Variants in MGAT5 observed in about 807,000 individuals in gnomAD.
MGAT5 encodes the protein alpha-1,6-mannosylglycoprotein 6-beta-N-acetylglucosaminyltransferase A.
Under a neutral mutation model 94.3 loss-of-function variants are expected in MGAT5, and 30 were observed. The observed-to-expected ratio is 0.32, with a 90% CI of 0.24 to 0.43. MGAT5 has a LOEUF of 0.43. MGAT5 is among the 20% of genes least tolerant of loss of function. The pLI is 1.00. For synonymous variants in MGAT5, 310 were observed against 322.9 expected, an observed-to-expected ratio of 0.96 and a Z score of 0.43; for missense variants, 691 against 905.5, an observed-to-expected ratio of 0.76 and a Z score of 3.04.
intron 10 of MGAT5, among the ~76,000 whole-genome samples, chr2:134,364,237 T>C (rs1233493221): frequency 6.6e-6 from 1 of 152,210 alleles, no homozygotes; most frequent in Non-Finnish European, 1.5e-5. Context: ...CAGTGGTGCA[T>C]GCCTGTAATC....
chr2:134,195,607 C>T (rs547000809), intron 1 of MGAT5, among the ~76,000 whole-genome samples: 1 of 152,272 alleles, frequency 6.6e-6, no homozygotes, highest in South Asian at 2.1e-4. Context: ...CACTAGGCTA[C>T]TTGTGGATGA....
At chr2:134,431,612 T>G (rs1185470173) in intron 14 of MGAT5, among the ~76,000 whole-genome samples, 1 of 152,214 alleles carries the variant, frequency 6.6e-6, no homozygotes, top group African/African-American at 2.4e-5. Flanking sequence ...CAAGAAAGCC[T>G]GCAGCTCCGA....
intron 2 of MGAT5, among the ~76,000 whole-genome samples, chr2:134,287,430 T>C (rs1685080356): frequency 1.3e-5 from 2 of 152,154 alleles, no homozygotes; most frequent in Admixed American, 6.5e-5. Context: ...TGAGTTCACT[T>C]TTCTTTCTTT....
chr2:134,157,417 C>A (rs1448034173), intron 1 of MGAT5, among the ~76,000 whole-genome samples: 1 of 152,076 alleles, frequency 6.6e-6, no homozygotes, highest in African/African-American at 2.4e-5. Flanking sequence ...GTTTAGTAAG[C>A]CCTTAGTAAA....
intron 11 of MGAT5, among the ~76,000 whole-genome samples, chr2:134,403,819 G>A (rs1193237000): frequency 1.3e-5 from 2 of 152,064 alleles, no homozygotes; most frequent in African/African-American, 4.8e-5. Flanking sequence ...GGAATGTGAG[G>A]GTCTGATTGG....
intron 2 of MGAT5, among the ~76,000 whole-genome samples, chr2:134,313,040 ACACACACACACACAC>A (rs1686778944): frequency 6.2e-4 from 1 of 1,614 alleles, no homozygotes; most frequent in Non-Finnish European, 5.8e-3. Context: ...AGAAATAAAC[ACACACACACACACAC>A]ACACACACAC....
At chr2:134,420,333 G>A (rs370110049) in intron 12 of MGAT5, among the ~76,000 whole-genome samples, 8 of 152,282 alleles carry the variant, frequency 5.3e-5, no homozygotes, top group East Asian at 1.9e-4. Context: ...TCTGAGTTCC[G>A]TGGGCCTGCA....
intron 1 of MGAT5, among the ~76,000 whole-genome samples, chr2:134,204,264 G>A (rs1238161258): frequency 6.6e-6 from 1 of 152,198 alleles, no homozygotes; most frequent in Non-Finnish European, 1.5e-5. Flanking sequence ...AAAGGAGAAT[G>A]AATGGAGATG....
rs556446060 is a variant in MGAT5, at chr2:134,381,589, G to T, written c.1380+19181G>T. On this transcript the variant is annotated intron_variant, in intron 10 of 15. Coordinates refer to ENST00000281923, the MANE Select transcript of MGAT5 (RefSeq NM_002410.5). ...CAGCCTGGGCAACATAGCAAGACCT[G>T]TCTCTAAAATAGATAGACAGACAGA... is the stretch of plus-strand genomic sequence containing the variant. Among the ~76,000 whole-genome samples the T allele has an allele frequency of 2.6e-4, 37 of 143,730 alleles. 2 individuals are homozygous for T. The highest frequency in any genetic ancestry group is 7.2e-4 in the African/African-American group (29 of 40,550). The allele number at this position is 143,730 out of a possible 152,430, so 94.3% of individuals were successfully genotyped here.
At position 134,228,006 on chromosome 2, in the gene MGAT5, A is replaced by T. The variant is rs180688969; in HGVS notation, c.-142-26256A>T. On this transcript the variant is annotated intron_variant, in intron 1 of 16. Transcript: ENST00000409645. ...TGAGAAAATATCAAGACTCAAGGAGATGATTTCCATATGAGAATTTTACCA... is the reference window on the plus strand; with the variant it reads ...TGAGAAAATATCAAGACTCAAGGAGTTGATTTCCATATGAGAATTTTACCA... Among the ~76,000 whole-genome samples the T allele has an allele frequency of 2.0e-5, 3 of 152,302 alleles. No homozygotes were observed. In the East Asian group the frequency reaches 5.8e-4, roughly 29 times the overall value.
rs146686105 is a variant in MGAT5 at position 134,438,145 on chromosome 2, CTT to C, written c.1870-3611_1870-3610del. Among the ~76,000 whole-genome samples, 890 of 152,056 alleles carry C rather than the reference CTT, an allele frequency of 5.9e-3. 11 individuals are homozygous for C. Among genetic ancestry groups the C allele is most frequent in the African/African-American group, 0.021 (863 of 41,474 alleles). On this transcript the variant is annotated intron_variant, in intron 14 of 15. Coordinates refer to ENST00000281923, the MANE Select transcript of MGAT5 (RefSeq NM_002410.5). ...AATTTCACACATAAAAGTACTTTAA[CTT>C]TGTGTAATGCTCAAATGTATTTAAA...
At chr2:134,396,321 A>G (rs561153537) in intron 10 of MGAT5, among the ~76,000 whole-genome samples, 1 of 152,322 alleles carries the variant, frequency 6.6e-6, no homozygotes, top group East Asian at 1.9e-4. Context: ...TGAAATTCAC[A>G]GAGATTTGCA....
chr2:134,391,596 C>G (rs1422025928), intron 10 of MGAT5, among the ~76,000 whole-genome samples: 1 of 152,084 alleles, frequency 6.6e-6, no homozygotes, highest in Admixed American at 6.5e-5. Context: ...GGGCACTATT[C>G]CTATCCATGA....
chr2:134,380,565 G>C (rs76229677), intron 10 of MGAT5, among the ~76,000 whole-genome samples: 9 of 152,146 alleles, frequency 5.9e-5, no homozygotes, highest in Admixed American at 1.3e-4. Context: ...GTGAGCTTCC[G>C]TTTCTTCATC....
At chr2:134,255,802 T>C (rs1469861992) in intron 1 of MGAT5, among the ~76,000 whole-genome samples, 1 of 152,148 alleles carries the variant, frequency 6.6e-6, no homozygotes, top group East Asian at 1.9e-4. Flanking sequence ...AGTATGCCGA[T>C]TTCAAATCGT....
intron 4 of MGAT5, among the ~76,000 whole-genome samples, chr2:134,322,387 G>T (rs1350526559): frequency 6.6e-6 from 1 of 152,286 alleles, no homozygotes; most frequent in East Asian, 1.9e-4. Flanking sequence ...GACAACGTTT[G>T]TATGTATTCA....
intron 1 of MGAT5, among the ~76,000 whole-genome samples, chr2:134,133,638 A>C (rs1686275119): frequency 6.6e-6 from 1 of 152,238 alleles, no homozygotes; most frequent in Non-Finnish European, 1.5e-5. Flanking sequence ...GCACACATCA[A>C]GTCAATATGT....
rs563050895 is a variant in MGAT5, at chr2:134,165,635, C to A, written c.-143+45344C>A. 2.6e-5 allele frequency among the ~76,000 whole-genome samples: 4 copies of A among 152,192 alleles called. No individual in the cohort carries two copies. In the East Asian group the frequency reaches 7.7e-4, roughly 29 times the overall value. Reference sequence around the variant, plus strand: ...CTAAAAATACAAAAAATTAGCCAGTCATGGTGGCGGGCGCCTGTAGTCCCA... The same window carrying A: ...CTAAAAATACAAAAAATTAGCCAGTAATGGTGGCGGGCGCCTGTAGTCCCA... On this transcript the variant is annotated intron_variant, in intron 1 of 16. Coordinates refer to the MGAT5 transcript ENST00000409645.
chr2:134,344,943 G>A lies in MGAT5; in HGVS notation c.991G>A (p.Val331Ile), dbSNP rs917178387. The A allele has an allele frequency of 1.2e-6, 2 of 1,613,200 alleles. No individual in the cohort carries two copies. The highest frequency in any genetic ancestry group is 1.7e-6 in the Non-Finnish European group (2 of 1,179,560). ...CCGTTTCTCTAGAATCATGAAGAAG[G>A]TTGTAGGAAACCGATCTGGCTGCCC... is the stretch of plus-strand genomic sequence containing the variant. ...LAELKEIMKK[V>I]VGNRSGCPTV... Residue 331 changes from valine to isoleucine, a missense_variant, in exon 8 of 16, where the codon GTT (valine) becomes ATT (isoleucine). Physicochemically the swap from Val to Ile is conservative, Grantham distance 29. Transcript: ENST00000281923.
Sources: gnomAD v4.1 joint callset for allele counts (sites outside exome capture counted in the v4.1 genomes callset) on GRCh38, gnomAD v4.1.1 for gene constraint, MANE v1.5 for transcripts, NCBI Gene and HGNC (gene_info 2026-07-23, HGNC 2026-07-21) for gene names.